The following EHBP1 variants were observed in gnomAD, a reference collection of about 807,000 sequenced individuals.
EHBP1 encodes the protein EH domain binding protein 1.
In EHBP1, 55 loss-of-function variants were observed where a neutral mutation model predicts 144.0. The observed-to-expected ratio is 0.38, with a 90% CI of 0.31 to 0.48. The LOEUF is 0.48. Ranked by LOEUF, EHBP1 falls within the 20% of genes least tolerant of loss-of-function variation. EHBP1 has a pLI of 0.98. For synonymous variants in EHBP1, 469 were observed against 472.7 expected, an observed-to-expected ratio of 0.99 and a Z score of 0.10; for missense variants, 1,200 against 1,364.2, an observed-to-expected ratio of 0.88 and a Z score of 1.90.
intron 5 of EHBP1, among the ~76,000 whole-genome samples, chr2:62,816,037 T>G (rs1216870182): frequency 6.6e-6 from 1 of 152,226 alleles, no homozygotes; most frequent in Non-Finnish European, 1.5e-5. Context: ...CTACTACTTG[T>G]TGAGTTTCGG....
chr2:62,769,205 G>C (rs1412123220), intron 4 of EHBP1, among the ~76,000 whole-genome samples: 1 of 152,188 alleles, frequency 6.6e-6, no homozygotes, highest in Non-Finnish European at 1.5e-5. Context: ...AATAGGAAGA[G>C]AGGAAGTCAG....
chr2:62,929,570 T>G (rs930558982), intron 10 of EHBP1, among the ~76,000 whole-genome samples: 1 of 151,960 alleles, frequency 6.6e-6, no homozygotes, highest in Non-Finnish European at 1.5e-5. Flanking sequence ...TTAAAAGAAA[T>G]TACCTAAACA....
At chr2:62,927,563 T>TA (rs1335181968) in intron 10 of EHBP1, among the ~76,000 whole-genome samples, 1 of 152,178 alleles carries the variant, frequency 6.6e-6, no homozygotes, top group Non-Finnish European at 1.5e-5. Context: ...ATCAAGAAGA[T>TA]ATAACAGTTA....
chr2:62,718,427 T>C (rs372853643), intron 2 of EHBP1, among the ~76,000 whole-genome samples: 6 of 152,344 alleles, frequency 3.9e-5, no homozygotes, highest in African/African-American at 1.2e-4. Flanking sequence ...GCCACCATCT[T>C]GGATAGTGCA....
At chr2:62,863,382 CAGAAG>C in intron 8 of EHBP1, among the ~76,000 whole-genome samples, 1 of 152,102 alleles carries the variant, frequency 6.6e-6, no homozygotes, top group East Asian at 1.9e-4. Context: ...TCATTGAGGT[CAGAAG>C]TTCAAGACCG....
At chr2:62,834,940 A>G (rs1006555673) in intron 7 of EHBP1, among the ~76,000 whole-genome samples, 1 of 152,200 alleles carries the variant, frequency 6.6e-6, no homozygotes, top group African/African-American at 2.4e-5. Context: ...GGATGACTGT[A>G]TATGTATCTT....
intron 19 of EHBP1, among the ~76,000 whole-genome samples, chr2:63,005,653 G>A (rs1047050772): frequency 3.3e-5 from 5 of 151,510 alleles, no homozygotes; most frequent in East Asian, 1.9e-4. Flanking sequence ...TTTCTTTTTC[G>A]ATTACCAAGC....
At chr2:62,767,826 ACT>A (rs1424798327) in intron 4 of EHBP1, among the ~76,000 whole-genome samples, 2 of 136,158 alleles carry the variant, frequency 1.5e-5, no homozygotes, top group Non-Finnish European at 3.2e-5. Flanking sequence ...GCAGAGCAAG[ACT>A]CTGTCAAAAA....
intron 10 of EHBP1, among the ~76,000 whole-genome samples, chr2:62,880,704 T>C (rs972803344): frequency 1.3e-5 from 2 of 152,258 alleles, no homozygotes; most frequent in Non-Finnish European, 2.9e-5. Context: ...CACAATGAGA[T>C]ACTGTCTCAT....
In EHBP1 at chr2:62,982,673, C is replaced by T. The variant is rs569942070; in HGVS notation, c.2608+3338C>T. On this transcript the variant is annotated intron_variant, in intron 15 of 22. Transcript: ENST00000431489. ...AACTAGGGTAGGAAGATTTTCGAAGCAGTAGTCCAGAGTGATAAAAGAGGG... is the reference window on the plus strand; with the variant it reads ...AACTAGGGTAGGAAGATTTTCGAAGTAGTAGTCCAGAGTGATAAAAGAGGG... Among the ~76,000 whole-genome samples the T allele has an allele frequency of 2.0e-5, 3 of 152,148 alleles. No homozygotes were observed. In the East Asian group the frequency reaches 5.8e-4, roughly 29 times the overall value.
intron 2 of EHBP1, among the ~76,000 whole-genome samples, chr2:62,716,298 C>G (rs1301491923): frequency 6.6e-6 from 1 of 152,170 alleles, no homozygotes; most frequent in Non-Finnish European, 1.5e-5. Flanking sequence ...CTATGCAACT[C>G]CCCCACCCAA....
chr2:62,854,507 C>T lies in EHBP1; in HGVS notation c.635-4662C>T, dbSNP rs76136619. On this transcript the variant is annotated intron_variant, in intron 7 of 22. Transcript: ENST00000431489. The stretch of plus-strand genomic sequence containing the variant: ...TTCCTTTCATTTGAACACTTAGTGG[C>T]CTTTGCAGGGTTTAACTGGCCTAGT... Among the ~76,000 whole-genome samples, 45 of 152,180 alleles carry T rather than the reference C, an allele frequency of 3.0e-4. 1 individual carries two copies. The East Asian group carries it at 8.3e-3, about 28-fold the overall frequency.
intron 19 of EHBP1, among the ~76,000 whole-genome samples, chr2:63,022,332 T>G (rs2060789769): frequency 6.6e-6 from 1 of 152,038 alleles, no homozygotes; most frequent in Admixed American, 6.6e-5. Flanking sequence ...TCTTTTTCTT[T>G]TTGACAGAAT....
chr2:62,818,762 GAAATAA>G (rs2045639738), intron 5 of EHBP1, among the ~76,000 whole-genome samples: 8 of 152,106 alleles, frequency 5.3e-5, no homozygotes, highest in Admixed American at 1.3e-4. Context: ...AAAGTCTAAT[GAAATAA>G]CCAATTTATA....
chr2:62,799,241 A>G (rs891050938), intron 5 of EHBP1, among the ~76,000 whole-genome samples: 7 of 152,168 alleles, frequency 4.6e-5, no homozygotes, highest in Non-Finnish European at 8.8e-5. Context: ...AACCAGGTAC[A>G]TTATCTATAT....
chr2:62,715,298 C>T (rs1341102719), intron 2 of EHBP1, among the ~76,000 whole-genome samples: 2 of 151,616 alleles, frequency 1.3e-5, no homozygotes, highest in Non-Finnish European at 2.9e-5. Flanking sequence ...GTATTTTTAA[C>T]AGGGATGGGG....
chr2:62,852,098 T>C (rs562101902), intron 7 of EHBP1, among the ~76,000 whole-genome samples: 1 of 152,304 alleles, frequency 6.6e-6, no homozygotes, highest in South Asian at 2.1e-4. Flanking sequence ...CTAACTCTAA[T>C]ACTTCTTCTA....
At chr2:62,683,983 G>T (rs1289384451) in intron 1 of EHBP1, among the ~76,000 whole-genome samples, 1 of 152,178 alleles carries the variant, frequency 6.6e-6, no homozygotes, top group African/African-American at 2.4e-5. Flanking sequence ...TCCAAGAAGA[G>T]GTGTCAGGCA....
At chr2:62,976,737 A>G (rs1334032575) in intron 14 of EHBP1, among the ~76,000 whole-genome samples, 1 of 152,088 alleles carries the variant, frequency 6.6e-6, no homozygotes, top group African/African-American at 2.4e-5. Context: ...GTCTGACCTC[A>G]CATCCTAGTA....
Sources: gnomAD v4.1 joint callset for allele counts (sites outside exome capture counted in the v4.1 genomes callset) on GRCh38, gnomAD v4.1.1 for gene constraint, MANE v1.5 for transcripts, NCBI Gene and HGNC (gene_info 2026-07-23, HGNC 2026-07-21) for gene names.